Variants in MYO16 observed in about 807,000 individuals in gnomAD.
MYO16 encodes the protein myosin XVI, also known as unconventional myosin-XVI.
MYO16 carries 94 observed loss-of-function variants against 205.3 expected under a neutral mutation model. The ratio of observed to expected loss-of-function variants is 0.46; its 90% CI spans 0.39 to 0.54. MYO16 has a LOEUF of 0.54. Ranked by LOEUF, MYO16 falls within the 20% of genes least tolerant of loss-of-function variation. MYO16 has a pLI of 0.00. For synonymous variants in MYO16, 988 were observed against 954.0 expected, an observed-to-expected ratio of 1.04 and a Z score of -0.66; for missense variants, 2,315 against 2,387.5, an observed-to-expected ratio of 0.97 and a Z score of 0.63.
At chr13:108,904,106 G>A (rs1880846701) in intron 15 of MYO16, among the ~76,000 whole-genome samples, 5 of 152,104 alleles carry the variant, frequency 3.3e-5, no homozygotes, top group Admixed American at 3.3e-4. Context: ...TGTAACCACA[G>A]ATCATAGTAT....
intron 2 of MYO16, among the ~76,000 whole-genome samples, chr13:108,700,404 G>T (rs1883260553): frequency 1.3e-5 from 2 of 151,408 alleles, no homozygotes; most frequent in African/African-American, 4.9e-5. Context: ...TTGAACTTCG[G>T]CAAGAGCAGT....
chr13:108,888,256 A>G (rs1181925291), intron 13 of MYO16, 116 bp from the exon 14 acceptor site: 3 of 646,716 alleles, frequency 4.6e-6, no homozygotes, highest in Non-Finnish European at 7.9e-6. Flanking sequence ...GTGTCTGAGA[A>G]ATATCTCCAG....
At chr13:108,927,012 G>A (rs1882037344) in intron 16 of MYO16, among the ~76,000 whole-genome samples, 1 of 152,130 alleles carries the variant, frequency 6.6e-6, no homozygotes, top group South Asian at 2.1e-4. Context: ...ATATCTCAGA[G>A]TGTAGCATGA....
At chr13:108,528,015 GATTCC>G in the MYO16 span, among the ~76,000 whole-genome samples, 2 of 152,136 alleles carry the variant, frequency 1.3e-5, no homozygotes, top group Non-Finnish European at 2.9e-5. Context: ...TCTGAAACCT[GATTCC>G]ATTCATTTTG....
intron 12 of MYO16, among the ~76,000 whole-genome samples, 175 bp downstream of exon 12, chr13:108,866,417 G>A (rs1484671030): frequency 3.9e-5 from 6 of 152,092 alleles, no homozygotes; most frequent in East Asian, 1.9e-4. Context: ...CTTGAAAATC[G>A]AAGTTATTTT....
chr13:108,734,846 G>T lies in MYO16; in HGVS notation c.507+7263G>T, dbSNP rs113534752. ...CTTGCTCTTCACTTCATTTTCCAGC[G>T]TGTCAGCTTGGTGGCCACTAGGTCG... On this transcript the variant is annotated intron_variant, in intron 4 of 34. Coordinates refer to ENST00000457511, the MANE Select transcript of MYO16 (RefSeq NM_001198950.3). 5.5e-3 allele frequency among the ~76,000 whole-genome samples: 840 copies of T among 152,242 alleles called. 6 individuals carry two copies. Among genetic ancestry groups the T allele is most frequent in the African/African-American group, 0.019 (784 of 41,544 alleles).
chr13:108,729,675 T>C (rs1267598049), intron 4 of MYO16, among the ~76,000 whole-genome samples: 1 of 152,212 alleles, frequency 6.6e-6, no homozygotes, highest in Admixed American at 6.5e-5. Flanking sequence ...GCTTAAAATT[T>C]TTAAATCCTG....
intron 23 of MYO16, among the ~76,000 whole-genome samples, chr13:109,030,800 C>G (rs1228787869): frequency 6.6e-6 from 1 of 152,122 alleles, no homozygotes; most frequent in East Asian, 1.9e-4. Flanking sequence ...CCCACTCCCA[C>G]TCTTTCTCTC....
the MYO16 span, among the ~76,000 whole-genome samples, chr13:108,558,181 A>G: frequency 1.3e-5 from 2 of 152,218 alleles, no homozygotes; most frequent in Non-Finnish European, 2.9e-5. Flanking sequence ...AGAGCTTCAG[A>G]CACATGCAGA....
At chr13:108,763,949 A>AAGAT (rs58395187) in intron 4 of MYO16, among the ~76,000 whole-genome samples, 10,414 of 152,100 alleles carry the variant, frequency 0.068, 627 homozygotes, top group East Asian at 0.24. Flanking sequence ...TTTCGAGAAA[A>AAGAT]AGGCTACAAA....
At chr13:108,806,617 A>T in intron 6 of MYO16, 62 bp from the exon 7 acceptor site, 1 of 1,476,844 alleles carries the variant, frequency 6.8e-7, no homozygotes, top group African/African-American at 1.4e-5. Flanking sequence ...TAAACCACTG[A>T]GTGAACTGCA....
chr13:108,909,965 C>A, intron 15 of MYO16, 38 bp from the exon 16 acceptor site: 2 of 1,585,298 alleles, frequency 1.3e-6, no homozygotes, highest in South Asian at 2.2e-5. Context: ...GAAATGAATA[C>A]TGCCATTTAA....
At chr13:109,031,154 C>A (rs539052766) in intron 23 of MYO16, among the ~76,000 whole-genome samples, 1 of 152,074 alleles carries the variant, frequency 6.6e-6, no homozygotes, top group Non-Finnish European at 1.5e-5. Flanking sequence ...TGCAACGGCG[C>A]GATCTCGGCT....
chr13:108,956,189 T>C (rs1420485746), intron 16 of MYO16, among the ~76,000 whole-genome samples: 1 of 152,172 alleles, frequency 6.6e-6, no homozygotes, highest in Non-Finnish European at 1.5e-5. Flanking sequence ...CTTGAGAATG[T>C]TTTCCAGTTG....
Position 108,810,844 on chromosome 13 carries a change from A to G in MYO16, c.867+4040A>G, listed in dbSNP as rs565747445. 4.6e-5 allele frequency among the ~76,000 whole-genome samples: 7 copies of G among 152,360 alleles called. No homozygotes were observed. The South Asian group carries it at 1.2e-3, about 27-fold the overall frequency. On this transcript the variant is annotated intron_variant, in intron 7 of 34. Coordinates refer to ENST00000457511, the MANE Select transcript of MYO16 (RefSeq NM_001198950.3). ...TGGAGAAGGAGGTAGCTCACAATCT[A>G]TAACTGTACTTATTATTTACATTTA...
rs1179548010 is a variant in MYO16 at position 108,699,090 on chromosome 13, CTCTCTCTA to C, written c.293-13569_293-13562del. ...TGTCTCTCTCTGTCTCTCTCTCTCT[CTCTCTCTA>C]TATATATATATATGTGTGTGTGTAT... On this transcript the variant is annotated intron_variant, in intron 2 of 34. Coordinates refer to ENST00000457511, the MANE Select transcript of MYO16 (RefSeq NM_001198950.3). Among the ~76,000 whole-genome samples the C allele has an allele frequency of 2.1e-5, 3 of 141,530 alleles. No homozygotes were observed. In the East Asian group the frequency reaches 6.2e-4, roughly 29 times the overall value. 92.8% of individuals were successfully genotyped at this position (141,530 alleles called of 152,430 possible).
chr13:108,497,753 C>T, the MYO16 span, among the ~76,000 whole-genome samples: 26 of 152,286 alleles, frequency 1.7e-4, no homozygotes, highest in African/African-American at 6.3e-4. Context: ...CCTCCACCCC[C>T]CTGGCCTGAG....
At position 109,196,649 on chromosome 13, in the gene MYO16, G is replaced by C. The variant is rs1426169476; in HGVS notation, c.5416-9960G>C. On this transcript the variant is annotated intron_variant, in intron 34 of 34. Coordinates refer to ENST00000457511, the MANE Select transcript of MYO16 (RefSeq NM_001198950.3). ...AGGTGGTCCAAACTGACAGGAGCTT[G>C]TTTATGAGAAATGCTGGCCCCACCC... is the stretch of plus-strand genomic sequence containing the variant. Among the ~76,000 whole-genome samples, 3 of 152,152 alleles carry C rather than the reference G, an allele frequency of 2.0e-5. No individual in the cohort carries two copies. The East Asian group carries it at 5.8e-4, about 29-fold the overall frequency.
At chr13:108,964,664 G>C in intron 19 of MYO16, 97 bp from the exon 20 acceptor site, 1 of 1,243,600 alleles carries the variant, frequency 8.0e-7, no homozygotes, top group East Asian at 2.3e-5. Flanking sequence ...CTTGTCTTGT[G>C]GATGTGTGGG....
Sources: gnomAD v4.1 joint callset for allele counts (sites outside exome capture counted in the v4.1 genomes callset) on GRCh38, gnomAD v4.1.1 for gene constraint, MANE v1.5 for transcripts, NCBI Gene and HGNC (gene_info 2026-07-23, HGNC 2026-07-21) for gene names.